The following TEP1 variants were observed in gnomAD, a reference collection of about 807,000 sequenced individuals.
The protein encoded by TEP1 is telomerase protein component 1.
A neutral mutation model predicts 306.3 loss-of-function variants in TEP1; 241 were observed. The observed-to-expected ratio is 0.79, with a 90% CI of 0.71 to 0.88. The LOEUF is 0.88. Ranked by LOEUF, TEP1 falls within the 40% of genes least tolerant of loss-of-function variation. The pLI is 0.00. For synonymous variants in TEP1, 1,289 were observed against 1,305.5 expected, an observed-to-expected ratio of 0.99 and a Z score of 0.27; for missense variants, 3,051 against 3,276.1, an observed-to-expected ratio of 0.93 and a Z score of 1.68.
Position 20,385,065 on chromosome 14 carries a change from C to A in TEP1, c.3027G>T (p.Val1009=). 1 of 1,614,136 alleles carries A rather than the reference C, an allele frequency of 6.2e-7. No individual in the cohort carries two copies. Among genetic ancestry groups the A allele is most frequent in the Non-Finnish European group, 8.5e-7 (1 of 1,180,014 alleles). The change falls in exon 21 of 55, where the codon GTG becomes GTT. Residue 1009 remains valine, a synonymous_variant. Coordinates refer to ENST00000262715, the MANE Select transcript of TEP1 (RefSeq NM_007110.5). ...GTTGGTTCCGGTTCAGGAACTGCAT[C>A]ACCTCCATCTCTGTCACAGAGCGCC... The part of the protein sequence containing the change: ...PSGRSVTEME[V]MQFLNRNQRL...
chr14:20,375,820 G>A lies in TEP1; in HGVS notation c.6298C>T (p.His2100Tyr). 1 of 1,613,526 alleles carries A rather than the reference G, an allele frequency of 6.2e-7. No individual in the cohort carries two copies. Among genetic ancestry groups the A allele is most frequent in the Non-Finnish European group, 8.5e-7 (1 of 1,179,870 alleles). The change falls in exon 43 of 55, where the codon CAC becomes TAC. Residue 2100 changes from histidine to tyrosine, a missense_variant. By Grantham distance (83) the His-to-Tyr change is moderately conservative (BLOSUM62 2). Transcript: ENST00000262715. ...VRTPKTPVLI[H>Y]SFPACHRDWV... Reference sequence around the variant, plus strand: ...TCACGGTGACAGGCAGGGAAGGAGTGGATCAAAACAGGGGTTTTGGGTGTC... The same window carrying A: ...TCACGGTGACAGGCAGGGAAGGAGTAGATCAAAACAGGGGTTTTGGGTGTC...
At position 20,401,049 on chromosome 14, in the gene TEP1, G is replaced by A; in HGVS notation, c.1484C>T (p.Pro495Leu). ...RAGKRMKLSRPETWERELSLR... is the reference protein window; with the variant it reads ...RAGKRMKLSRLETWERELSLR... ...GCTCAGCTCCCGCTCCCAGGTCTCT[G>A]GCCTAGACAGCTTCATCCTCTTCCC... Residue 495 changes from proline (P) to leucine (L), a missense_variant, in exon 9 of 55, where the codon CCA becomes CTA. By Grantham distance (98) the Pro-to-Leu change is moderately conservative (BLOSUM62 -3). Coordinates refer to ENST00000262715, the MANE Select transcript of TEP1 (RefSeq NM_007110.5). The A allele has an allele frequency of 6.2e-7, 1 of 1,614,188 alleles. No homozygotes were observed. The highest frequency in any genetic ancestry group is 8.5e-7 in the Non-Finnish European group (1 of 1,180,042).
At position 20,381,408 on chromosome 14, in the gene TEP1, G is replaced by T; in HGVS notation, c.4559-7C>A. The T allele has an allele frequency of 1.2e-6, 2 of 1,614,046 alleles. No individual in the cohort carries two copies. Among genetic ancestry groups the T allele is most frequent in the South Asian group, 2.2e-5 (2 of 91,072 alleles). On this transcript the variant is annotated splice_polypyrimidine_tract_variant and splice_region_variant and intron_variant, in intron 31 of 54. Transcript: ENST00000262715. The surrounding 1 kb of genome is among the most constrained non-coding windows in gnomAD (Gnocchi z 4.0). ...CATGTCTTCCAGAGCTGAGCTGCAT[G>T]AACAGATATTGAGAAAGGCTCAGCC...
chr14:20,373,430 A>T, intron 46 of TEP1, 28 bp from the exon 47 acceptor site: 1 of 1,613,950 alleles, frequency 6.2e-7, no homozygotes, highest in Non-Finnish European at 8.5e-7. Context: ...AGATGGGCTC[A>T]TGAGAGTGGG....
chr14:20,373,391 G>C lies in TEP1; in HGVS notation c.6693C>G (p.Thr2231=). The C allele has an allele frequency of 6.2e-7, 1 of 1,614,134 alleles. No homozygotes were observed. Among genetic ancestry groups the C allele is most frequent in the Non-Finnish European group, 8.5e-7 (1 of 1,180,022 alleles). ...RLWHPLLVCQ[T]HTLLGHSGPV... ...GGCCGCTGTGTCCCAGGAGGGTGTGGGTTTGGCACACCTAGGAGGAAGGGA... is the reference window on the plus strand; with the variant it reads ...GGCCGCTGTGTCCCAGGAGGGTGTGCGTTTGGCACACCTAGGAGGAAGGGA... Residue 2231 remains threonine, a synonymous_variant, in exon 47 of 55, where the codon ACC becomes ACG. Coordinates refer to ENST00000262715, the MANE Select transcript of TEP1 (RefSeq NM_007110.5).
chr14:20,376,027 A>G (rs1443734767), intron 42 of TEP1, 77 bp downstream of exon 42: 1 of 1,564,554 alleles, frequency 6.4e-7, no homozygotes, highest in Non-Finnish European at 8.7e-7. Flanking sequence ...GGAGGAAGCA[A>G]TGGGAAATGG....
rs1215152037 is a variant in TEP1 at position 20,378,098 on chromosome 14, G to T, written c.5647C>A (p.His1883Asn). 1.2e-6 allele frequency: 2 copies of T among 1,613,914 alleles called. No homozygotes were observed. The highest frequency in any genetic ancestry group is 1.7e-6 in the Non-Finnish European group (2 of 1,180,022). The change falls in exon 39 of 55, where the codon CAC becomes AAC. Residue 1883 changes from histidine (H) to asparagine (N), a missense_variant. His to Asn is a moderately conservative substitution (Grantham distance 68, BLOSUM62 1). Transcript: ENST00000262715. Reference protein sequence around the residue: ...EGARLAAFPAHHGFVAAALFL... With the variant: ...EGARLAAFPANHGFVAAALFL... ...AGCGCAGCAGCAACAAAGCCATGGT[G>T]GGCAGGGAAGGCAGCCAGCCGTGCC...
chr14:20,403,516 G>C, intron 6 of TEP1, 68 bp from the exon 7 acceptor site: 2 of 1,606,116 alleles, frequency 1.2e-6, no homozygotes, highest in Non-Finnish European at 1.7e-6. Flanking sequence ...CCAGTCAATA[G>C]CCCTGAAGGT....
At position 20,379,792 on chromosome 14, in the gene TEP1, C is replaced by T. The variant is rs750425227; in HGVS notation, c.5127+138G>A. On this transcript the variant is annotated intron_variant, in intron 35 of 54. Coordinates refer to ENST00000262715, the MANE Select transcript of TEP1 (RefSeq NM_007110.5). ...CTGTGTGATTGATTTTTTGGCCAAG[C>T]CCTTTGAGCTGATGTGCAGGCAGTA... 6 of 1,182,716 alleles carry T rather than the reference C, an allele frequency of 5.1e-6. 1 individual carries two copies. The highest frequency in any genetic ancestry group is 6.9e-6 in the Non-Finnish European group (6 of 869,982). The allele number at this position is 1,182,716 out of a possible 1,614,324, so 73.3% of individuals were successfully genotyped here. A position where few individuals can be genotyped will look rare whatever the true frequency, so the allele number is the denominator to read the frequency against.
In TEP1 at chr14:20,405,315, A is replaced by G. The variant is rs984584411; in HGVS notation, c.870+136T>C. The G allele has an allele frequency of 2.2e-5, 26 of 1,194,338 alleles. No homozygotes were observed. In the African/African-American group the frequency reaches 2.8e-4, roughly 13 times the overall value. The allele number at this position is 1,194,338 out of a possible 1,614,324, so 74.0% of individuals were successfully genotyped here. A position where few individuals can be genotyped will look rare whatever the true frequency, so the allele number is the denominator to read the frequency against. ...CTGAACCACAGGGACTAGGCCGCAG[A>G]CTCACCCAGAAATCCTTCCTAAGAG... is the stretch of plus-strand genomic sequence containing the variant. On this transcript the variant is annotated intron_variant, in intron 4 of 54. Transcript: ENST00000262715.
At position 20,391,766 on chromosome 14, in the gene TEP1, G is replaced by C; in HGVS notation, c.1930C>G (p.Gln644Glu). 6.2e-7 allele frequency: 1 copy of C among 1,613,672 alleles called. No homozygotes were observed. Among genetic ancestry groups the C allele is most frequent in the Non-Finnish European group, 8.5e-7 (1 of 1,179,672 alleles). ...AGCATCTCACCATCATATTTCCACT[G>C]TCTACATGCAAGAAAGACACAGACA... ...REKLRVHKAR[Q>E]WKYDGEMLNR... Residue 644 changes from glutamine (Q) to glutamate (E), a missense_variant and splice_region_variant, in exon 13 of 55, where the codon CAG becomes GAG. By Grantham distance (29) the Gln-to-Glu change is conservative. Coordinates refer to ENST00000262715, the MANE Select transcript of TEP1 (RefSeq NM_007110.5).
In TEP1 at chr14:20,376,265, C is replaced by T. The variant is rs751564082; in HGVS notation, c.6089-1G>A. 6.2e-7 allele frequency: 1 copy of T among 1,610,092 alleles called. No homozygotes were observed. Among genetic ancestry groups the T allele is most frequent in the South Asian group, 1.1e-5 (1 of 90,460 alleles). On this transcript the variant is annotated splice_acceptor_variant, in intron 41 of 54. Coordinates refer to ENST00000262715, the MANE Select transcript of TEP1 (RefSeq NM_007110.5). LOFTEE classifies it high-confidence loss of function. The stretch of plus-strand genomic sequence containing the variant: ...GGCCACAGCTGCACTGTGAAATCCT[C>T]TGCATTGGAAAAAGAGAGAGGGAAC...
intron 26 of TEP1, 45 bp from the exon 27 acceptor site, chr14:20,383,398 G>C (rs1490557878): frequency 3.1e-6 from 5 of 1,601,346 alleles, no homozygotes; most frequent in Admixed American, 3.4e-5. Flanking sequence ...AAGAAAAGGA[G>C]AACCACATTG....
At position 20,380,132 on chromosome 14, in the gene TEP1, G is replaced by C. The variant is rs546435212; in HGVS notation, c.5004-79C>G. 2.7e-5 allele frequency: 42 copies of C among 1,582,622 alleles called. No homozygotes were observed. In the East Asian group the frequency reaches 8.7e-4, roughly 33 times the overall value. On this transcript the variant is annotated intron_variant, in intron 34 of 54. Coordinates refer to ENST00000262715, the MANE Select transcript of TEP1 (RefSeq NM_007110.5). ...AGTTGATTTATGTGCTTCTGTGCCT[G>C]GATCCCTCTCCAGTGTTTCTGGTCA... is the stretch of plus-strand genomic sequence containing the variant.
At position 20,368,475 on chromosome 14, in the gene TEP1, C is replaced by CT; in HGVS notation, c.7845dup (p.Asp2616ArgfsTer100). 1 of 1,614,214 alleles carries CT rather than the reference C, an allele frequency of 6.2e-7. No homozygotes were observed. The highest frequency in any genetic ancestry group is 8.5e-7 in the Non-Finnish European group (1 of 1,180,044). Reference sequence around the variant, plus strand: ...AGAAAGTACACATTGCCCTGCACGTCTCCCACGGCAAGCTGCAGGGTGGAG... The same window carrying CT: ...AGAAAGTACACATTGCCCTGCACGTCTTCCCACGGCAAGCTGCAGGGTGGAG... On this transcript the variant is annotated frameshift_variant, in exon 55 of 55. Coordinates refer to ENST00000262715, the MANE Select transcript of TEP1 (RefSeq NM_007110.5). LOFTEE classifies it high-confidence loss of function.
intron 17 of TEP1, 143 bp downstream of exon 17, chr14:20,389,095 C>T: frequency 2.8e-6 from 2 of 725,122 alleles, no homozygotes; most frequent in Non-Finnish European, 4.6e-6. Flanking sequence ...TTGCAGTGAG[C>T]CAAGATTGTG....
rs1200933884 is a variant in TEP1 at position 20,401,472 on chromosome 14, GC to G, written c.1375del (p.Ala459ProfsTer32). 1.9e-6 allele frequency: 3 copies of G among 1,614,188 alleles called. No homozygotes were observed. In the South Asian group the frequency reaches 3.3e-5, roughly 18 times the overall value. On this transcript the variant is annotated frameshift_variant, in exon 8 of 55. Coordinates refer to ENST00000262715, the MANE Select transcript of TEP1 (RefSeq NM_007110.5). LOFTEE classifies it high-confidence loss of function. ...AGCTTCTCACCTGTAACCCAGCAGG[GC>G]TTGAACGTGCTGGGCAGGCTTGTGG... ...HIHKPAQHVQALLGYRYPSNL... is the reference protein window; with the variant it reads ...HIHKPAQHVQXLLGYRYPSNL...
At chr14:20,372,595 GA>G in intron 49 of TEP1, 137 bp downstream of exon 49, 4 of 1,349,736 alleles carry the variant, frequency 3.0e-6, no homozygotes, top group Non-Finnish European at 4.2e-6. Context: ...GCCATGGACA[GA>G]AGCAGAAAAT....
chr14:20,408,593 T>C (rs1879396314), intron 1 of TEP1, 130 bp from the exon 2 acceptor site: 1 of 743,036 alleles, frequency 1.3e-6, no homozygotes, highest in Admixed American at 2.9e-5. Flanking sequence ...CAATGTTGTT[T>C]TTCCCAGGAC....
Sources: allele counts gnomAD v4.1 joint callset, GRCh38; gene constraint gnomAD v4.1.1; non-coding constraint Gnocchi (gnomAD v3.1); transcripts MANE v1.5; gene names NCBI Gene and HGNC (gene_info 2026-07-23, HGNC 2026-07-21).